The following USP14 variants were observed in gnomAD, a reference collection of about 807,000 sequenced individuals.
USP14 encodes the protein ubiquitin specific peptidase 14.
In USP14, 38 loss-of-function variants were observed where a neutral mutation model predicts 76.5. The ratio of observed to expected loss-of-function variants is 0.50; its 90% CI spans 0.38 to 0.65. The LOEUF is 0.65. Ranked by LOEUF, USP14 falls within the 30% of genes least tolerant of loss-of-function variation. The probability of loss-of-function intolerance (pLI) is 0.00; values close to 1 mark genes in which losing one functional copy is unlikely to be tolerated. For synonymous variants in USP14, 192 were observed against 191.7 expected, an observed-to-expected ratio of 1.00 and a Z score of -0.01; for missense variants, 467 against 586.5, an observed-to-expected ratio of 0.80 and a Z score of 2.10.
chr18:170,129 C>T (rs889500488), intron 3 of USP14, among the ~76,000 whole-genome samples: 6 of 151,960 alleles, frequency 3.9e-5, no homozygotes, highest in Admixed American at 2.6e-4. Flanking sequence ...GGTGAAACCC[C>T]ATCTCCACTA....
intron 10 of USP14, among the ~76,000 whole-genome samples, chr18:201,085 G>A (rs897544705): frequency 2.0e-4 from 31 of 152,204 alleles, no homozygotes; most frequent in African/African-American, 7.0e-4. Context: ...ATAGGAATGA[G>A]CCACCGTGCC....
chr18:203,491 C>G (rs887820673), intron 12 of USP14, among the ~76,000 whole-genome samples: 4 of 152,074 alleles, frequency 2.6e-5, no homozygotes, highest in African/African-American at 9.7e-5. Context: ...GATGGCTCTC[C>G]TGCACTACCC....
At chr18:196,861 A>G in intron 7 of USP14, 94 bp downstream of exon 7, 1 of 1,481,004 alleles carries the variant, frequency 6.8e-7, no homozygotes, top group South Asian at 1.2e-5. Flanking sequence ...AAATATAAAC[A>G]TCAGTCTTCT....
intron 5 of USP14, among the ~76,000 whole-genome samples, chr18:181,665 G>A (rs1237893488): frequency 6.6e-6 from 1 of 151,736 alleles, no homozygotes; most frequent in East Asian, 1.9e-4. Flanking sequence ...TAAGTCTGTT[G>A]TATGCAGTCT....
intron 3 of USP14, among the ~76,000 whole-genome samples, chr18:171,509 G>A (rs1439437568): frequency 6.6e-6 from 1 of 152,076 alleles, no homozygotes; most frequent in African/African-American, 2.4e-5. Flanking sequence ...ATATTTTAAG[G>A]CCACCATTGA....
chr18:209,937 C>T lies in USP14; in HGVS notation c.1165-34C>T, dbSNP rs140639358. 274 of 1,509,702 alleles carry T rather than the reference C, an allele frequency of 1.8e-4. 1 individual carries two copies. In the African/African-American group the frequency reaches 3.0e-3, roughly 17 times the overall value. The allele number at this position is 1,509,702 out of a possible 1,614,324, so 93.5% of individuals were successfully genotyped here. On this transcript the variant is annotated intron_variant, in intron 13 of 15. Coordinates refer to ENST00000261601, the MANE Select transcript of USP14 (RefSeq NM_005151.4). ...AGAATTCAAATTTTATTTCCAAAAT[C>T]ATGATTTAAAATTAAACATTTTTTT...
intron 3 of USP14, among the ~76,000 whole-genome samples, chr18:168,110 G>A (rs11876726): frequency 0.015 from 2,284 of 151,886 alleles, 57 homozygotes; most frequent in African/African-American, 0.052. Context: ...ATTTTTAGTA[G>A]AGATGGGGTT....
At chr18:178,755 G>T in intron 3 of USP14, 178 bp from the exon 4 acceptor site, 1 of 461,426 alleles carries the variant, frequency 2.2e-6, no homozygotes, top group Non-Finnish European at 4.0e-6. Context: ...ACCATTTAAG[G>T]TCACTCCCTC....
At chr18:167,876 T>G (rs1387275291) in intron 3 of USP14, among the ~76,000 whole-genome samples, 1 of 151,914 alleles carries the variant, frequency 6.6e-6, no homozygotes, top group Non-Finnish European at 1.5e-5. Flanking sequence ...TAAAATAATA[T>G]TAAAAAATAT....
intron 5 of USP14, among the ~76,000 whole-genome samples, chr18:191,270 A>G (rs1467640250): frequency 2.0e-5 from 3 of 152,192 alleles, no homozygotes; most frequent in Admixed American, 1.3e-4. Context: ...AAAAATTAAG[A>G]AAATTCGTTG....
chr18:166,881 A>G (rs897821310), intron 3 of USP14, 62 bp downstream of exon 3: 3 of 1,489,236 alleles, frequency 2.0e-6, no homozygotes, highest in African/African-American at 2.8e-5. Flanking sequence ...ACCAAAATAC[A>G]TTCCAGATGA....
At chr18:200,695 T>G (rs911747196) in intron 10 of USP14, among the ~76,000 whole-genome samples, 3 of 152,210 alleles carry the variant, frequency 2.0e-5, no homozygotes, top group Non-Finnish European at 2.9e-5. Flanking sequence ...TCTCGAAGGA[T>G]CTCCCCATTT....
chr18:203,316 A>G (rs2143085708), intron 12 of USP14, 126 bp downstream of exon 12: 1 of 829,918 alleles, frequency 1.2e-6, no homozygotes, highest in East Asian at 2.6e-5. Context: ...GGGAGCTAAT[A>G]TTAGACAAGT....
At chr18:168,826 A>G (rs1330381658) in intron 3 of USP14, among the ~76,000 whole-genome samples, 2 of 151,720 alleles carry the variant, frequency 1.3e-5, no homozygotes, top group Non-Finnish European at 2.9e-5. Context: ...TAATCCCAGC[A>G]CTTTGGGAGG....
intron 1 of USP14, among the ~76,000 whole-genome samples, chr18:160,264 A>T (rs781267554): frequency 2.0e-5 from 3 of 151,576 alleles, no homozygotes; most frequent in African/African-American, 7.3e-5. Flanking sequence ...AGATCGCGCC[A>T]TTGCACTTCA....
chr18:179,342 G>A, intron 4 of USP14, among the ~76,000 whole-genome samples: 1 of 151,910 alleles, frequency 6.6e-6, no homozygotes, highest in East Asian at 1.9e-4. Context: ...TAATAAATAT[G>A]TTCCTGGCAG....
chr18:158,748 C>T (rs769706876), intron 1 of USP14, 34 bp downstream of exon 1: 1 of 1,474,560 alleles, frequency 6.8e-7, no homozygotes, highest in Non-Finnish European at 8.9e-7. Flanking sequence ...CGCAGCACAC[C>T]GGACCGGCGC....
Position 161,573 on chromosome 18 carries a change from A to AC in USP14, c.17-1728dup, listed in dbSNP as rs544016883. ...TAGTTAATTACTCTAGCCTCCTCCC[A>AC]CCCCCCCATTAGGCTGTAAGTTTAT... On this transcript the variant is annotated intron_variant, in intron 1 of 15. Coordinates refer to ENST00000261601, the MANE Select transcript of USP14 (RefSeq NM_005151.4). Among the ~76,000 whole-genome samples, 82 of 150,452 alleles carry AC rather than the reference A, an allele frequency of 5.5e-4. 1 individual carries two copies. The South Asian group carries it at 0.012, about 22-fold the overall frequency.
rs879781336 is a variant in USP14 at position 214,522 on chromosome 18, G to GTT, written c.*3239_*3240dup. 100 of 925,090 alleles carry GTT rather than the reference G, an allele frequency of 1.1e-4. 1 individual carries two copies. Among genetic ancestry groups the GTT allele is most frequent in the East Asian group, 7.6e-4 (30 of 39,410 alleles). The allele number at this position is 925,090 out of a possible 1,614,324, so 57.3% of individuals were successfully genotyped here. A position where few individuals can be genotyped will look rare whatever the true frequency, so the allele number is the denominator to read the frequency against. The stretch of plus-strand genomic sequence containing the variant: ...AGCACCAGCCGACTGTACAACAATT[G>GTT]TTATAAAAATGTTTATTGTTTACCA... On this transcript the variant is annotated 3_prime_UTR_variant, in exon 16 of 16. Transcript: ENST00000261601.
Sources: gnomAD v4.1 joint callset for allele counts (sites outside exome capture counted in the v4.1 genomes callset) on GRCh38, gnomAD v4.1.1 for gene constraint, MANE v1.5 for transcripts, NCBI Gene and HGNC (gene_info 2026-07-23, HGNC 2026-07-21) for gene names.